CRADD: variants seen among roughly 807,000 people sequenced by gnomAD.
The protein encoded by CRADD is death domain-containing protein CRADD.
Under a neutral mutation model 15.5 loss-of-function variants are expected in CRADD, and 9 were observed. The ratio of observed to expected loss-of-function variants is 0.58; its 90% confidence interval spans 0.35 to 1.01. CRADD has a LOEUF of 1.01. Ranked by LOEUF, CRADD falls within the 50% of genes least tolerant of loss-of-function variation. CRADD has a pLI of 0.02. For synonymous variants in CRADD, 118 were observed against 107.6 expected, an observed-to-expected ratio of 1.10 and a Z score of -0.60; for missense variants, 227 against 250.3, an observed-to-expected ratio of 0.91 and a Z score of 0.63.
At chr12:93,858,031 A>T (rs1352431384) in intron 2 of CRADD, among the ~76,000 whole-genome samples, 2 of 152,206 alleles carry the variant, frequency 1.3e-5, no homozygotes, top group Non-Finnish European at 2.9e-5. Context: ...CCTGCTCTGA[A>T]ACTGAGCTTC....
chr12:93,870,747 C>T lies in CRADD; in HGVS notation c.299-23303C>T, dbSNP rs560013377. On this transcript the variant is annotated intron_variant, in intron 2 of 2. Coordinates refer to the CRADD transcript ENST00000548483. ...CCGTTATAGAGTGGGGATGTCACCC[C>T]GGGAAAAGCAGGTCCTAACCCCAAA... Among the ~76,000 whole-genome samples, 11 of 152,294 alleles carry T rather than the reference C, an allele frequency of 7.2e-5. No homozygotes were observed. The East Asian group carries it at 1.5e-3, about 21-fold the overall frequency.
chr12:93,785,177 G>A (rs1957264717), intron 2 of CRADD, among the ~76,000 whole-genome samples: 1 of 151,780 alleles, frequency 6.6e-6, no homozygotes, highest in Admixed American at 6.6e-5. Context: ...CTATTTTTTG[G>A]TGTATTTTCC....
At chr12:93,765,025 A>G (rs1249604677) in intron 2 of CRADD, among the ~76,000 whole-genome samples, 1 of 151,226 alleles carries the variant, frequency 6.6e-6, no homozygotes, top group African/African-American at 2.4e-5. Context: ...TTTTCTTATT[A>G]GGAAAGTGGT....
intron 2 of CRADD, among the ~76,000 whole-genome samples, chr12:93,839,937 T>A (rs1032105265): frequency 6.6e-6 from 1 of 152,234 alleles, no homozygotes; most frequent in African/African-American, 2.4e-5. Context: ...AGATTAATTT[T>A]AAAAACCACT....
chr12:93,798,613 T>C (rs1376237383), intron 2 of CRADD, among the ~76,000 whole-genome samples: 1 of 152,184 alleles, frequency 6.6e-6, no homozygotes, highest in Non-Finnish European at 1.5e-5. Flanking sequence ...CTCCAGAGAC[T>C]GGGCTCTTGA....
At chr12:93,800,556 G>A (rs559340001) in intron 2 of CRADD, among the ~76,000 whole-genome samples, 1 of 151,920 alleles carries the variant, frequency 6.6e-6, no homozygotes, top group African/African-American at 2.4e-5. Flanking sequence ...AGATCTGATG[G>A]TTTAAAAGTA....
At chr12:93,784,844 A>G (rs1263941746) in intron 2 of CRADD, among the ~76,000 whole-genome samples, 6 of 152,228 alleles carry the variant, frequency 3.9e-5, no homozygotes, top group Non-Finnish European at 7.3e-5. Context: ...ATGAAATAAA[A>G]ACAAATGTCA....
intron 2 of CRADD, among the ~76,000 whole-genome samples, chr12:93,767,805 T>G (rs1957041482): frequency 6.6e-6 from 1 of 152,246 alleles, no homozygotes; most frequent in African/African-American, 2.4e-5. Flanking sequence ...TGCTGTAAGC[T>G]TCTTATGACC....
At position 93,863,156 on chromosome 12, in the gene CRADD, G is replaced by T. The variant is rs138343584; in HGVS notation, c.299-30894G>T. Among the ~76,000 whole-genome samples the T allele has an allele frequency of 1.2e-4, 18 of 152,242 alleles. 1 individual carries two copies. Among genetic ancestry groups the T allele is most frequent in the African/African-American group, 4.1e-4 (17 of 41,540 alleles). ...ATGCTGCATTTCTGTTCAAGCAGTG[G>T]TTGTATTGCCTGTTCCTCAAGAGGC... On this transcript the variant is annotated intron_variant, in intron 2 of 2. Coordinates refer to the CRADD transcript ENST00000548483.
intron 2 of CRADD, among the ~76,000 whole-genome samples, chr12:93,782,578 C>G (rs974834977): frequency 6.8e-6 from 1 of 146,670 alleles, no homozygotes; most frequent in Non-Finnish European, 1.5e-5. Flanking sequence ...TGGGCAACAG[C>G]GAGACTCCGT....
chr12:93,810,524 C>T (rs1412161981), intron 2 of CRADD, among the ~76,000 whole-genome samples: 1 of 123,118 alleles, frequency 8.1e-6, no homozygotes, highest in African/African-American at 3.1e-5. Flanking sequence ...GCACTCCAGC[C>T]TGGGCAACAA....
At chr12:93,867,690 G>A (rs1029334117) in intron 2 of CRADD, among the ~76,000 whole-genome samples, 3 of 152,092 alleles carry the variant, frequency 2.0e-5, no homozygotes, top group Non-Finnish European at 4.4e-5. Context: ...GAATGTGAAA[G>A]GAATGAGGTA....
chr12:93,711,055 C>CCCCTTTTTTTTTTTTTTTTTT, intron 2 of CRADD, among the ~76,000 whole-genome samples: 1 of 43,508 alleles, frequency 2.3e-5, no homozygotes, highest in Non-Finnish European at 4.4e-5. Flanking sequence ...CCACCCCCGC[C>CCCCTTTTTTTTTTTTTTTTTT]TTTTTTTTTT....
intron 2 of CRADD, among the ~76,000 whole-genome samples, chr12:93,829,825 T>G (rs564075651): frequency 2.6e-5 from 4 of 152,084 alleles, no homozygotes; most frequent in African/African-American, 9.7e-5. Context: ...CCTGAGTAGC[T>G]GGGATTACAG....
intron 2 of CRADD, among the ~76,000 whole-genome samples, chr12:93,776,313 C>A (rs919651546): frequency 4.6e-5 from 7 of 152,146 alleles, no homozygotes; most frequent in Admixed American, 3.3e-4. Flanking sequence ...TAGCGATCTG[C>A]AAACTTGTAA....
At chr12:93,806,857 T>A (rs939042048) in intron 2 of CRADD, among the ~76,000 whole-genome samples, 1 of 152,168 alleles carries the variant, frequency 6.6e-6, no homozygotes, top group African/African-American at 2.4e-5. Flanking sequence ...GTAGACTTTA[T>A]CCAGCACATC....
chr12:93,886,950 T>TG (rs2137076805), intron 2 of CRADD, among the ~76,000 whole-genome samples: 1 of 152,200 alleles, frequency 6.6e-6, no homozygotes, highest in African/African-American at 2.4e-5. Context: ...GAGAGTGAGG[T>TG]GGGAGGCTGG....
intron 2 of CRADD, among the ~76,000 whole-genome samples, chr12:93,705,605 G>A (rs1356735609): frequency 6.6e-6 from 1 of 152,192 alleles, no homozygotes; most frequent in Non-Finnish European, 1.5e-5. Flanking sequence ...AGTATCATGT[G>A]GTTTGACATT....
chr12:93,701,295 G>GACACACACACACAC lies in CRADD; in HGVS notation c.298+22247_298+22260dup, dbSNP rs55986038. 2.8e-3 allele frequency among the ~76,000 whole-genome samples: 407 copies of GACACACACACACAC among 143,452 alleles called. 3 individuals are homozygous for GACACACACACACAC. The highest frequency in any genetic ancestry group is 0.01 in the African/African-American group (388 of 38,436). 94.1% of individuals were successfully genotyped at this position (143,452 alleles called of 152,430 possible). A position where few individuals can be genotyped will look rare whatever the true frequency, so the allele number is the denominator to read the frequency against. On this transcript the variant is annotated intron_variant, in intron 2 of 2. Transcript: ENST00000332896. ...CATATCCTTCTCTCTCTCTCTCTGTGACACACACACACACACACACACACA... is the reference window on the plus strand; with the variant it reads ...CATATCCTTCTCTCTCTCTCTCTGTGACACACACACACACACACACACACACACACACACACACA...
Sources: gnomAD v4.1 joint callset for allele counts (sites outside exome capture counted in the v4.1 genomes callset) on GRCh38, gnomAD v4.1.1 for gene constraint, MANE v1.5 for transcripts, NCBI Gene and HGNC (gene_info 2026-07-23, HGNC 2026-07-21) for gene names.